Variants in GUCA1B observed in about 807,000 individuals in gnomAD.
GUCA1B encodes guanylyl cyclase-activating protein 2.
A neutral mutation model predicts 24.2 loss-of-function variants in GUCA1B; 22 were observed. The ratio of observed to expected loss-of-function variants is 0.91; its 90% CI spans 0.65 to 1.30. The LOEUF (loss-of-function observed/expected upper bound fraction) is 1.30. GUCA1B is among the 50% of genes most tolerant of loss of function. GUCA1B has a pLI of 0.00. For synonymous variants in GUCA1B, 100 were observed against 97.9 expected (o/e 1.02, Z -0.13); for missense variants, 221 against 258.8 (o/e 0.85, Z 1.00).
At chr6:42,186,765 C>G (rs147101106) in intron 2 of GUCA1B, among the ~76,000 whole-genome samples, 1 of 152,144 alleles carries the variant, frequency 6.6e-6, no homozygotes. Context: ...GCCTCATCGA[C>G]GTGTCTTGGG....
intron 2 of GUCA1B, among the ~76,000 whole-genome samples, chr6:42,187,341 T>A (rs1768211260): frequency 6.6e-6 from 1 of 152,074 alleles, no homozygotes. Flanking sequence ...CCTGACCTCG[T>A]GATCTTCCTG....
chr6:42,187,646 C>T (rs2113845337), intron 2 of GUCA1B, among the ~76,000 whole-genome samples: 1 of 151,424 alleles, frequency 6.6e-6, no homozygotes, highest in African/African-American at 2.4e-5. Flanking sequence ...TGGTCTTGAA[C>T]TCCTGGGCTC....
At position 42,194,722 on chromosome 6, in the gene GUCA1B, G is replaced by T. The variant is rs1171417207; in HGVS notation, c.99C>A (p.Pro33=). The part of the protein sequence containing the change: ...EWYKKFVMEC[P]SGTLFMHEFK... ...ACTCATGCATAAAGAGTGTGCCGCT[G>T]GGGCACTCCATCACAAACTTCTTGT... Residue 33 remains proline, a synonymous_variant, in exon 1 of 4, where the codon CCC becomes CCA. Transcript: ENST00000230361. The T allele has an allele frequency of 4.3e-6, 7 of 1,612,674 alleles. No individual in the cohort carries two copies. Among genetic ancestry groups the T allele is most frequent in the African/African-American group, 1.3e-5 (1 of 74,718 alleles).
In GUCA1B at chr6:42,184,697, G is replaced by A. The variant is rs1430006532; in HGVS notation, c.*118C>T. 1 of 1,058,270 alleles carries A rather than the reference G, an allele frequency of 9.4e-7. No homozygotes were observed. The highest frequency in any genetic ancestry group is 1.7e-5 in the Admixed American group (1 of 59,030). 65.6% of individuals were successfully genotyped at this position (1,058,270 alleles called of 1,614,324 possible). A position where few individuals can be genotyped will look rare whatever the true frequency, so the allele number is the denominator to read the frequency against. On this transcript the variant is annotated 3_prime_UTR_variant, in exon 4 of 4. Coordinates refer to ENST00000230361, the MANE Select transcript of GUCA1B (RefSeq NM_002098.6). ...CCCCATCCCCACTCAGCCCTGCACA[G>A]GGGGTGCCAGGAAGTCAACACCAGG...
chr6:42,190,460 C>T (rs138748537), intron 1 of GUCA1B, among the ~76,000 whole-genome samples: 9 of 143,990 alleles, frequency 6.3e-5, no homozygotes, highest in Admixed American at 1.4e-4. Context: ...TTTTTTTGCA[C>T]GTATACCTTT....
At position 42,188,709 on chromosome 6, in the gene GUCA1B, T is replaced by A. The variant is rs1478221143; in HGVS notation, c.230A>T (p.Glu77Val). ...KNGDNTIDFL[E>V]YVAALNLVLR... ...CACGAGATTCAGAGCTGCCACGTAC[T>A]CCAGGAAGTCGATGGTGTTGTCCTG... The change falls in exon 2 of 4, where the codon GAG becomes GTG. Residue 77 changes from glutamate to valine, a missense_variant. Transcript: ENST00000230361. 1 of 1,614,018 alleles carries A rather than the reference T, an allele frequency of 6.2e-7. No individual in the cohort carries two copies. The highest frequency in any genetic ancestry group is 1.7e-5 in the Admixed American group (1 of 60,008).
chr6:42,193,735 G>A (rs1012576920), intron 1 of GUCA1B, among the ~76,000 whole-genome samples: 1 of 152,202 alleles, frequency 6.6e-6, no homozygotes, highest in African/African-American at 2.4e-5. Context: ...GCGACAGGAT[G>A]AGACCTGAAG....
At chr6:42,185,645 G>A (rs1316861579) in intron 3 of GUCA1B, 35 bp downstream of exon 3, 1 of 1,260,726 alleles carries the variant, frequency 7.9e-7, no homozygotes, top group Non-Finnish European at 1.2e-6. Flanking sequence ...ATGATGCAGA[G>A]TGGACAGCAC....
At chr6:42,191,440 G>A (rs1020209826) in intron 1 of GUCA1B, among the ~76,000 whole-genome samples, 1 of 152,128 alleles carries the variant, frequency 6.6e-6, no homozygotes, top group Non-Finnish European at 1.5e-5. Context: ...ATCTCAGACC[G>A]ATTGTTCCGA....
At position 42,192,394 on chromosome 6, in the gene GUCA1B, AGAAAAGAAAAG is replaced by A. The variant is rs1562064933; in HGVS notation, c.207+2209_207+2219del. Among the ~76,000 whole-genome samples the A allele has an allele frequency of 1.3e-3, 23 of 17,270 alleles. 2 individuals carry two copies. The highest frequency in any genetic ancestry group is 2.4e-3 in the African/African-American group (23 of 9,602). 11.3% of individuals were successfully genotyped at this position (17,270 alleles called of 152,430 possible). Reference sequence around the variant, plus strand: ...AAAAAAAAAAAAGAGAGAAAAGAAAAGAAAAGAAAAGAAAAAGGAAAAAAGAAAGAAACCTG... The same window carrying A: ...AAAAAAAAAAAAGAGAGAAAAGAAAAAAAAAGGAAAAAAGAAAGAAACCTG... On this transcript the variant is annotated intron_variant, in intron 1 of 3. Coordinates refer to ENST00000230361, the MANE Select transcript of GUCA1B (RefSeq NM_002098.6).
rs1768139852 is a variant in GUCA1B at position 42,183,478 on chromosome 6, A to G, written c.*1337T>C. 6.6e-6 allele frequency among the ~76,000 whole-genome samples: 1 copy of G among 152,168 alleles called. No homozygotes were observed. The highest frequency in any genetic ancestry group is 1.5e-5 in the Non-Finnish European group (1 of 68,028). ...AGGGTACTCAGCTCCCCTTTCAACC[A>G]GAGAGACTCCCTTTTAATCTAGTTT... is the stretch of plus-strand genomic sequence containing the variant. On this transcript the variant is annotated 3_prime_UTR_variant, in exon 4 of 4. Transcript: ENST00000230361.
intron 3 of GUCA1B, 73 bp downstream of exon 3, chr6:42,185,607 C>T: frequency 1.1e-6 from 1 of 931,118 alleles, no homozygotes; most frequent in Non-Finnish European, 1.8e-6. Context: ...GAGGGCCTTG[C>T]CCAAGGACGT....
chr6:42,192,667 G>T (rs953080781), intron 1 of GUCA1B, among the ~76,000 whole-genome samples: 3 of 152,026 alleles, frequency 2.0e-5, no homozygotes, highest in Non-Finnish European at 4.4e-5. Flanking sequence ...AGCTGAGATT[G>T]TGCCACTGCA....
chr6:42,190,244 G>A (rs541871350), intron 1 of GUCA1B, among the ~76,000 whole-genome samples: 16 of 151,940 alleles, frequency 1.1e-4, no homozygotes, highest in African/African-American at 2.7e-4. Flanking sequence ...TATGGTCTCC[G>A]TACTCCCCAT....
At chr6:42,187,683 A>G (rs1343337735) in intron 2 of GUCA1B, among the ~76,000 whole-genome samples, 2 of 152,046 alleles carry the variant, frequency 1.3e-5, no homozygotes, top group African/African-American at 2.4e-5. Context: ...TCAGCCTCCC[A>G]AAGTGCTGGG....
Position 42,184,794 on chromosome 6 carries a change from C to T in GUCA1B, c.*21G>A, listed in dbSNP as rs750445590. On this transcript the variant is annotated 3_prime_UTR_variant, in exon 4 of 4. Transcript: ENST00000230361. ...CTGGAAACCTGGGTGAGCCTGGAGTCGTGGAGGGGCCCCAGACTCCTCAGA... is the reference window on the plus strand; with the variant it reads ...CTGGAAACCTGGGTGAGCCTGGAGTTGTGGAGGGGCCCCAGACTCCTCAGA... The T allele has an allele frequency of 2.4e-5, 38 of 1,613,070 alleles. No homozygotes were observed. In the East Asian group the frequency reaches 3.6e-4, roughly 15 times the overall value.
chr6:42,194,563 G>T, intron 1 of GUCA1B, 51 bp downstream of exon 1: 1 of 1,168,370 alleles, frequency 8.6e-7, no homozygotes, highest in Non-Finnish European at 1.3e-6. Context: ...CACTTGTGGA[G>T]GAAGGCGCCA....
Position 42,184,150 on chromosome 6 carries a change from G to A in GUCA1B, c.*665C>T, listed in dbSNP as rs1202101133. On this transcript the variant is annotated 3_prime_UTR_variant, in exon 4 of 4. Coordinates refer to ENST00000230361, the MANE Select transcript of GUCA1B (RefSeq NM_002098.6). The stretch of plus-strand genomic sequence containing the variant: ...GTCGTCCAGGCTGGAGTGCAGTGGC[G>A]CAATCTCGGCTCACTGTAGGCTCGG... 1.3e-5 allele frequency among the ~76,000 whole-genome samples: 2 copies of A among 151,154 alleles called. No homozygotes were observed. Among genetic ancestry groups the A allele is most frequent in the Admixed American group, 6.6e-5 (1 of 15,202 alleles).
chr6:42,188,902 A>ATCTATCTATCTATCTATC (rs57981170), intron 1 of GUCA1B, among the ~76,000 whole-genome samples, 171 bp from the exon 2 acceptor site: 25 of 114,750 alleles, frequency 2.2e-4, no homozygotes, highest in Admixed American at 5.6e-4. Context: ...CTATCTATCT[A>ATCTATCTATCTATCTATC]TATCTATATC....
Sources: gnomAD v4.1 joint callset for allele counts (sites outside exome capture counted in the v4.1 genomes callset) on GRCh38, gnomAD v4.1.1 for gene constraint, MANE v1.5 for transcripts, NCBI Gene and HGNC (gene_info 2026-07-23, HGNC 2026-07-21) for gene names.